The following ESRRG variants were observed in gnomAD, a reference collection of about 807,000 sequenced individuals.
ESRRG encodes the protein estrogen-related receptor gamma.
ESRRG carries 13 observed loss-of-function variants against 44.0 expected under a neutral mutation model. The observed-to-expected ratio is 0.30, with a 90% confidence interval of 0.19 to 0.47. The LOEUF (loss-of-function observed/expected upper bound fraction) is 0.47. Among genes scored for constraint, ESRRG ranks in the 20% least tolerant of loss-of-function variants. The pLI is 1.00. For missense variants in ESRRG, 395 were observed against 580.6 expected (o/e 0.68, Z 3.29); for synonymous variants, 215 against 214.6 (o/e 1.00, Z -0.02).
intron 2 of ESRRG, among the ~76,000 whole-genome samples, chr1:216,923,767 C>T (rs913088346): frequency 6.6e-6 from 1 of 152,162 alleles, no homozygotes; most frequent in African/African-American, 2.4e-5. Flanking sequence ...TTTTACTTGC[C>T]TGACCACCTG....
intron 2 of ESRRG, among the ~76,000 whole-genome samples, chr1:216,744,726 T>C (rs2091190810): frequency 6.6e-6 from 1 of 152,230 alleles, no homozygotes; most frequent in Non-Finnish European, 1.5e-5. Flanking sequence ...TGGCTACAAA[T>C]GTGTCCCATC....
Position 216,723,247 on chromosome 1 carries a change from T to G in ESRRG, c.53A>C (p.Glu18Ala). 1.2e-6 allele frequency: 2 copies of G among 1,612,858 alleles called. No homozygotes were observed. Among genetic ancestry groups the G allele is most frequent in the Non-Finnish European group, 8.5e-7 (1 of 1,179,114 alleles). ...AGGAAAGAAAAAAGGTACCTACTCT[T>G]CCTCGTAGTGCAGGGAAAAAGATTC... is the stretch of plus-strand genomic sequence containing the variant. The part of the protein sequence containing the change: ...LPESFSLHYE[E>A]ELLCRMSNKD... The change falls in exon 1 of 7, where the codon GAA becomes GCA. Residue 18 changes from glutamate to alanine, a missense_variant. Physicochemically the swap from Glu to Ala is moderately radical, Grantham distance 107. Transcript: ENST00000408911.
chr1:217,133,182 G>A (rs1412196969), intron 1 of ESRRG, among the ~76,000 whole-genome samples: 1 of 152,270 alleles, frequency 6.6e-6, no homozygotes, highest in Non-Finnish European at 1.5e-5. Context: ...AGAGCTGAGC[G>A]AGTGAGTCTC....
chr1:216,519,435 T>C lies in ESRRG; in HGVS notation c.863-14A>G, dbSNP rs1200970761. The C allele has an allele frequency of 6.3e-7, 1 of 1,592,138 alleles. No individual in the cohort carries two copies. The highest frequency in any genetic ancestry group is 2.2e-5 in the East Asian group (1 of 44,824). On this transcript the variant is annotated splice_polypyrimidine_tract_variant and intron_variant, in intron 5 of 6. Transcript: ENST00000408911. Reference sequence around the variant, plus strand: ...GCGTGGAGAAGCCTGCATGGAAAGATGGGCAGATCAAGTTACTTTAAAGCC... The same window carrying C: ...GCGTGGAGAAGCCTGCATGGAAAGACGGGCAGATCAAGTTACTTTAAAGCC...
At chr1:216,580,768 G>A (rs1267914502) in intron 3 of ESRRG, among the ~76,000 whole-genome samples, 1 of 152,142 alleles carries the variant, frequency 6.6e-6, no homozygotes, top group Non-Finnish European at 1.5e-5. Context: ...CAACTGCCCT[G>A]GCAGTTGGAA....
chr1:217,119,028 TAGATAGATAGATAGATAGATAGA>T (rs1248679530), intron 1 of ESRRG, among the ~76,000 whole-genome samples: 30 of 151,028 alleles, frequency 2.0e-4, no homozygotes, highest in African/African-American at 6.6e-4. Context: ...GATAGATAGA[TAGATAGATAGATAGATAGATAGA>T]GACACAGATA....
At chr1:217,044,548 C>T (rs183662636) in intron 1 of ESRRG, among the ~76,000 whole-genome samples, 1 of 152,152 alleles carries the variant, frequency 6.6e-6, no homozygotes, top group South Asian at 2.1e-4. Flanking sequence ...CACCTTCACT[C>T]CCTATGCTGA....
chr1:216,871,859 A>G (rs1184414888), intron 2 of ESRRG, among the ~76,000 whole-genome samples: 1 of 152,080 alleles, frequency 6.6e-6, no homozygotes, highest in East Asian at 1.9e-4. Context: ...CAAGAGGAAA[A>G]GAATTGTCTA....
At position 216,707,440 on chromosome 1, in the gene ESRRG, A is replaced by T. The variant is rs886203306; in HGVS notation, c.56+15804T>A. On this transcript the variant is annotated intron_variant, in intron 1 of 6. Transcript: ENST00000408911. ...ACATTCTCGCCACATTCAGGATCTAAATGCACAATTCCTAATTACATTCAT... is the reference window on the plus strand; with the variant it reads ...ACATTCTCGCCACATTCAGGATCTATATGCACAATTCCTAATTACATTCAT... 2.0e-5 allele frequency: 30 copies of T among 1,535,678 alleles called. No homozygotes were observed. The African/African-American group carries it at 4.0e-4, about 20-fold the overall frequency.
intron 2 of ESRRG, among the ~76,000 whole-genome samples, chr1:216,790,060 T>G (rs912100985): frequency 3.9e-5 from 6 of 152,146 alleles, no homozygotes; most frequent in Non-Finnish European, 7.4e-5. Context: ...TTTCCTTGGT[T>G]AGAATGACCA....
intron 1 of ESRRG, among the ~76,000 whole-genome samples, chr1:217,011,805 C>T (rs2078659465): frequency 1.3e-5 from 2 of 152,160 alleles, no homozygotes; most frequent in Admixed American, 1.3e-4. Flanking sequence ...GCTACTCTGT[C>T]CCCAGGCTCA....
intron 1 of ESRRG, among the ~76,000 whole-genome samples, chr1:217,121,838 C>T (rs1322805084): frequency 6.6e-6 from 1 of 152,128 alleles, no homozygotes; most frequent in African/African-American, 2.4e-5. Context: ...ATGTTTCAGC[C>T]AAGAACATAA....
intron 5 of ESRRG, among the ~76,000 whole-genome samples, chr1:216,544,864 TA>T (rs2054003853): frequency 6.6e-6 from 1 of 152,024 alleles, no homozygotes; most frequent in Non-Finnish European, 1.5e-5. Context: ...AAACTGACTT[TA>T]ATAAAAATTT....
intron 2 of ESRRG, among the ~76,000 whole-genome samples, chr1:216,921,615 C>T (rs1463026125): frequency 6.6e-6 from 1 of 152,212 alleles, no homozygotes; most frequent in East Asian, 1.9e-4. Context: ...GTCTCTGCTC[C>T]AGGATCACCT....
In ESRRG at chr1:216,505,420, T is replaced by C. The variant is rs2041026507; in HGVS notation, c.*1519A>G. On this transcript the variant is annotated 3_prime_UTR_variant, in exon 7 of 7. Transcript: ENST00000408911. ...GAATAAACTTATATGGATTAGGTTT[T>C]AGAATTTGGTCAGGCATTTTCTGTC... The C allele has an allele frequency of 6.6e-6, 1 of 152,646 alleles. No homozygotes were observed. Among genetic ancestry groups the C allele is most frequent in the African/African-American group, 2.4e-5 (1 of 41,462 alleles). 9.5% of individuals were successfully genotyped at this position (152,646 alleles called of 1,614,324 possible). A position where few individuals can be genotyped will look rare whatever the true frequency, so the allele number is the denominator to read the frequency against.
At chr1:216,885,170 T>C (rs938084679) in intron 2 of ESRRG, among the ~76,000 whole-genome samples, 2 of 151,898 alleles carry the variant, frequency 1.3e-5, no homozygotes, top group Non-Finnish European at 2.9e-5. Flanking sequence ...GAGAGATGTT[T>C]GATTCATTTA....
chr1:216,724,362 A>ATT (rs35611593), upstream of ESRRG, among the ~76,000 whole-genome samples: 50,896 of 142,930 alleles, frequency 0.36, 9,607 homozygotes, highest in Admixed American at 0.41. Flanking sequence ...TAAAGACAGC[A>ATT]TTTTTTTTTT....
chr1:217,113,765 G>A (rs1261984625), intron 1 of ESRRG, among the ~76,000 whole-genome samples: 1 of 152,166 alleles, frequency 6.6e-6, no homozygotes, highest in Non-Finnish European at 1.5e-5. Context: ...TGAGACAGGA[G>A]GATCACTAGA....
At chr1:216,755,656 T>A (rs1163968940) in intron 2 of ESRRG, among the ~76,000 whole-genome samples, 1 of 151,958 alleles carries the variant, frequency 6.6e-6, no homozygotes, top group Non-Finnish European at 1.5e-5. Flanking sequence ...CAAAACCCAA[T>A]CTCCAAATTC....
Sources: gnomAD v4.1 joint callset for allele counts (sites outside exome capture counted in the v4.1 genomes callset) on GRCh38, gnomAD v4.1.1 for gene constraint, MANE v1.5 for transcripts, NCBI Gene and HGNC (gene_info 2026-07-23, HGNC 2026-07-21) for gene names.